SUFU: variants seen among roughly 807,000 people sequenced by gnomAD.
The protein encoded by SUFU is SUFU negative regulator of hedgehog signaling, also known as suppressor of fused homolog.
SUFU carries 7 observed loss-of-function variants against 58.9 expected under a neutral mutation model. The ratio of observed to expected loss-of-function variants is 0.12; its 90% CI spans 0.07 to 0.22. The LOEUF (loss-of-function observed/expected upper bound fraction) is 0.22. SUFU is among the 10% of genes least tolerant of loss of function. The pLI, the probability that SUFU is intolerant of heterozygous loss-of-function variation, is 1.00. For missense variants in SUFU, 451 were observed against 641.3 expected, an observed-to-expected ratio of 0.70 and a Z score of 3.20; for synonymous variants, 232 against 254.8, an observed-to-expected ratio of 0.91 and a Z score of 0.85.
At position 102,504,151 on chromosome 10, in the gene SUFU, C is replaced by A. The variant is rs1380573429; in HGVS notation, c.-2C>A. 1.3e-6 allele frequency: 2 copies of A among 1,542,454 alleles called. No individual in the cohort carries two copies. Among genetic ancestry groups the A allele is most frequent in the Non-Finnish European group, 1.7e-6 (2 of 1,145,904 alleles). On this transcript the variant is annotated 5_prime_UTR_variant, in exon 1 of 12. Coordinates refer to ENST00000369902, the MANE Select transcript of SUFU (RefSeq NM_016169.4). ...CCCCCAGTGCCTGCCCTACGCACCC[C>A]GATGGCGGAGCTGCGGCCTAGCGGC...
At chr10:102,556,785 GAGGA>G (rs1564679485) in intron 3 of SUFU, among the ~76,000 whole-genome samples, 1 of 149,172 alleles carries the variant, frequency 6.7e-6, no homozygotes, top group Non-Finnish European at 1.5e-5. Flanking sequence ...AGAAGGAAGG[GAGGA>G]AGGAAGGAAG....
At chr10:102,552,187 C>G (rs563473489) in intron 3 of SUFU, among the ~76,000 whole-genome samples, 87 of 152,194 alleles carry the variant, frequency 5.7e-4, no homozygotes, top group African/African-American at 2.1e-3. Flanking sequence ...TGTCAATGCT[C>G]TAATCCCAGC....
intron 1 of SUFU, among the ~76,000 whole-genome samples, chr10:102,508,107 G>A (rs752065930): frequency 1.6e-4 from 25 of 151,730 alleles, no homozygotes; most frequent in Non-Finnish European, 3.4e-4. Flanking sequence ...CAAATAGCTG[G>A]GATTACAGGC....
At position 102,619,309 on chromosome 10, in the gene SUFU, G is replaced by C. The variant is rs2063719905; in HGVS notation, c.1296+1881G>C. 1 of 1,437,936 alleles carries C rather than the reference G, an allele frequency of 7.0e-7. No homozygotes were observed. The highest frequency in any genetic ancestry group is 9.1e-7 in the Non-Finnish European group (1 of 1,099,172). 89.1% of individuals were successfully genotyped at this position (1,437,936 alleles called of 1,614,324 possible). On this transcript the variant is annotated intron_variant, in intron 10 of 11. Transcript: ENST00000369902. The surrounding 1 kb of genome is among the most constrained non-coding windows in gnomAD (Gnocchi z 4.2). ...AGTGCCACAACCCCCTCACCTCCCT[G>C]GCAGCCCCTCAGCGAGCCTGAGGCC...
intron 2 of SUFU, among the ~76,000 whole-genome samples, chr10:102,539,148 A>G (rs2062772775): frequency 6.6e-6 from 1 of 152,220 alleles, no homozygotes; most frequent in Non-Finnish European, 1.5e-5. Context: ...ACCCTGCTTC[A>G]GTGACTCCAG....
At chr10:102,548,425 A>G (rs963773800) in intron 2 of SUFU, among the ~76,000 whole-genome samples, 1 of 152,098 alleles carries the variant, frequency 6.6e-6, no homozygotes, top group Non-Finnish European at 1.5e-5. Context: ...TGATGAAGAA[A>G]AGATGCCACG....
At chr10:102,543,429 A>G (rs1470385935) in intron 2 of SUFU, among the ~76,000 whole-genome samples, 1 of 152,238 alleles carries the variant, frequency 6.6e-6, no homozygotes, top group Non-Finnish European at 1.5e-5. Flanking sequence ...ATTTATTGAT[A>G]TAATTAATGT....
chr10:102,538,005 AC>A (rs2135714072), intron 2 of SUFU, among the ~76,000 whole-genome samples: 1 of 152,350 alleles, frequency 6.6e-6, no homozygotes, highest in African/African-American at 2.4e-5. Context: ...GTATCATCTT[AC>A]ATTTCCACCA....
intron 3 of SUFU, among the ~76,000 whole-genome samples, chr10:102,569,624 A>T (rs896255038): frequency 1.3e-5 from 2 of 152,210 alleles, no homozygotes; most frequent in African/African-American, 4.8e-5. Flanking sequence ...AAAATTGGTT[A>T]TCTAAACCCC....
In SUFU at chr10:102,592,449, G is replaced by C. The variant is rs1306292973; in HGVS notation, c.455-133G>C. On this transcript the variant is annotated intron_variant, in intron 3 of 11. Transcript: ENST00000369902. ...CTCTTTGCTTCCATCCGGAGTGAAT[G>C]CTTCTCTTCCTTCACAGGGGCTACC... 3.3e-5 allele frequency: 33 copies of C among 989,878 alleles called. 1 individual carries two copies. Among genetic ancestry groups the C allele is most frequent in the Middle Eastern group, 3.1e-4 (1 of 3,236 alleles). The allele number at this position is 989,878 out of a possible 1,614,324, so 61.3% of individuals were successfully genotyped here. A position where few individuals can be genotyped will look rare whatever the true frequency, so the allele number is the denominator to read the frequency against.
chr10:102,507,919 TTCTATTTGG>T (rs2062348508), intron 1 of SUFU, among the ~76,000 whole-genome samples: 1 of 152,052 alleles, frequency 6.6e-6, no homozygotes, highest in African/African-American at 2.4e-5. Context: ...CACTGATGGT[TTCTATTTGG>T]TCTATTTCTC....
Position 102,597,047 on chromosome 10 carries a change from A to T in SUFU, c.757-93A>T, listed in dbSNP as rs1590065775. 24 of 1,463,586 alleles carry T rather than the reference A, an allele frequency of 1.6e-5. No individual in the cohort carries two copies. The South Asian group carries it at 2.6e-4, about 16-fold the overall frequency. 90.7% of individuals were successfully genotyped at this position (1,463,586 alleles called of 1,614,324 possible). On this transcript the variant is annotated intron_variant, in intron 6 of 11. Coordinates refer to ENST00000369902, the MANE Select transcript of SUFU (RefSeq NM_016169.4). Reference sequence around the variant, plus strand: ...CCCATGCTCAGCACCACAAGGGCTCAGTAAATACTGTAAGAGCAGTGGCTG... The same window carrying T: ...CCCATGCTCAGCACCACAAGGGCTCTGTAAATACTGTAAGAGCAGTGGCTG...
chr10:102,596,762 T>A (rs2135879903), intron 6 of SUFU, among the ~76,000 whole-genome samples: 1 of 152,208 alleles, frequency 6.6e-6, no homozygotes, highest in South Asian at 2.1e-4. Flanking sequence ...ATCACACCTC[T>A]CCTCAGAGAA....
At chr10:102,528,267 A>C (rs1023961167) in intron 2 of SUFU, among the ~76,000 whole-genome samples, 3 of 152,144 alleles carry the variant, frequency 2.0e-5, no homozygotes, top group Admixed American at 1.3e-4. Context: ...CTTGGCTTAG[A>C]ATTTCTAAAA....
intron 11 of SUFU, among the ~76,000 whole-genome samples, chr10:102,627,888 A>AGGG (rs2063800667): frequency 6.6e-6 from 1 of 151,790 alleles, no homozygotes; most frequent in Non-Finnish European, 1.5e-5. Context: ...CGGCATCCTT[A>AGGG]TTTGCGAGGG....
Position 102,577,085 on chromosome 10 carries a change from C to CT in SUFU, c.455-15481dup, listed in dbSNP as rs1340064563. 3.8e-4 allele frequency among the ~76,000 whole-genome samples: 52 copies of CT among 137,250 alleles called. 1 individual carries two copies. Among genetic ancestry groups the CT allele is most frequent in the Non-Finnish European group, 6.4e-4 (42 of 65,250 alleles). 90.0% of individuals were successfully genotyped at this position (137,250 alleles called of 152,430 possible). A position where few individuals can be genotyped will look rare whatever the true frequency, so the allele number is the denominator to read the frequency against. ...AAGCATGTCCTGGATTTTTTCTTTTCTTTTTTTTTTTTTTTTGAGATGGAG... is the reference window on the plus strand; with the variant it reads ...AAGCATGTCCTGGATTTTTTCTTTTCTTTTTTTTTTTTTTTTTGAGATGGAG... On this transcript the variant is annotated intron_variant, in intron 3 of 11. Coordinates refer to ENST00000369902, the MANE Select transcript of SUFU (RefSeq NM_016169.4).
chr10:102,541,224 A>G (rs2062795609), intron 2 of SUFU, among the ~76,000 whole-genome samples: 2 of 152,094 alleles, frequency 1.3e-5, no homozygotes, highest in South Asian at 4.1e-4. Flanking sequence ...GAACTATACA[A>G]AAAGGTATAT....
chr10:102,541,902 A>G (rs1269476312), intron 2 of SUFU, among the ~76,000 whole-genome samples: 1 of 109,752 alleles, frequency 9.1e-6, no homozygotes, highest in Non-Finnish European at 1.8e-5. Context: ...TTTTTTTGAG[A>G]CAGAGTTTCG....
chr10:102,523,895 C>T (rs1403497478), intron 2 of SUFU, among the ~76,000 whole-genome samples: 8 of 152,240 alleles, frequency 5.3e-5, no homozygotes, highest in Admixed American at 5.2e-4. Context: ...TTCAATCGGC[C>T]TTCTCTCTGA....
Sources: gnomAD v4.1 joint callset for allele counts (sites outside exome capture counted in the v4.1 genomes callset) on GRCh38, gnomAD v4.1.1 for gene constraint, Gnocchi (gnomAD v3.1) non-coding constraint, MANE v1.5 for transcripts, NCBI Gene and HGNC (gene_info 2026-07-23, HGNC 2026-07-21) for gene names.